The following SDK1 variants were observed in gnomAD, a reference collection of about 807,000 sequenced individuals.
SDK1 encodes the protein protein sidekick-1.
In SDK1, 157 loss-of-function variants were observed where a neutral mutation model predicts 245.5. The observed-to-expected ratio is 0.64, with a 90% CI of 0.56 to 0.73. SDK1 has a LOEUF of 0.73. SDK1 is among the 30% of genes least tolerant of loss of function. The pLI, the probability that SDK1 is intolerant of heterozygous loss-of-function variation, is 0.00. For missense variants in SDK1, 3,583 were observed against 3,002.3 expected (o/e 1.19, Z -4.52); for synonymous variants, 1,647 against 1,278.5 (o/e 1.29, Z -6.15).
At chr7:4,029,228 T>TTTTTTTTTTTTTTTTTTTTTTTTTG (rs746967075) in intron 17 of SDK1, among the ~76,000 whole-genome samples, 2 of 112,088 alleles carry the variant, frequency 1.8e-5, no homozygotes, top group African/African-American at 1.0e-4. Context: ...TTTTTTTTTT[T>TTTTTTTTTTTTTTTTTTTTTTTTTG]TGTGAAGAAG....
intron 4 of SDK1, among the ~76,000 whole-genome samples, chr7:3,649,016 C>T (rs985008063): frequency 2.6e-5 from 4 of 152,206 alleles, no homozygotes; most frequent in African/African-American, 2.4e-5. Context: ...TTCCTTCATG[C>T]ATCCATGGAC....
intron 14 of SDK1, among the ~76,000 whole-genome samples, chr7:3,992,212 G>C (rs981341646): frequency 6.6e-6 from 1 of 152,234 alleles, no homozygotes; most frequent in African/African-American, 2.4e-5. Flanking sequence ...TGCCACTGCA[G>C]AAGGGCCTCT....
chr7:4,074,924 T>A (rs1418905084), intron 20 of SDK1, among the ~76,000 whole-genome samples: 47 of 122,484 alleles, frequency 3.8e-4, no homozygotes, highest in South Asian at 1.4e-3. Context: ...ATATTTTTTT[T>A]TTTTTTTAAT....
At chr7:3,860,484 A>G (rs1780664379) in intron 5 of SDK1, among the ~76,000 whole-genome samples, 1 of 152,216 alleles carries the variant, frequency 6.6e-6, no homozygotes. Context: ...CAAGTTGTCA[A>G]ACATTTAAGA....
intron 2 of SDK1, among the ~76,000 whole-genome samples, chr7:3,624,010 A>G (rs554633441): frequency 1.3e-5 from 2 of 152,206 alleles, no homozygotes; most frequent in East Asian, 3.8e-4. Context: ...AGTATCAATA[A>G]AAATTATGAA....
At chr7:4,178,159 C>G (rs1208950483) in intron 34 of SDK1, among the ~76,000 whole-genome samples, 3 of 152,180 alleles carry the variant, frequency 2.0e-5, no homozygotes, top group African/African-American at 7.2e-5. Context: ...CGACCTGGTT[C>G]CTAACAGGCT....
At chr7:3,974,836 C>T (rs1782786392) in intron 13 of SDK1, 2 of 308,114 alleles carry the variant, frequency 6.5e-6, no homozygotes, top group South Asian at 4.3e-5. Context: ...TCCTGATAGG[C>T]CCTGTTTACC....
chr7:3,633,833 G>T (rs1434311527), intron 2 of SDK1, among the ~76,000 whole-genome samples: 1 of 152,024 alleles, frequency 6.6e-6, no homozygotes, highest in Admixed American at 6.6e-5. Flanking sequence ...TGGAGATTGG[G>T]CAGGAACAGA....
At chr7:4,014,349 G>A (rs1326027418) in intron 16 of SDK1, among the ~76,000 whole-genome samples, 1 of 152,242 alleles carries the variant, frequency 6.6e-6, no homozygotes, top group Non-Finnish European at 1.5e-5. Flanking sequence ...TGCTGGAGAT[G>A]AGGGCATCTT....
At chr7:3,420,336 G>T (rs899049362) in intron 1 of SDK1, among the ~76,000 whole-genome samples, 1 of 152,200 alleles carries the variant, frequency 6.6e-6, no homozygotes, top group Non-Finnish European at 1.5e-5. Flanking sequence ...TTGATGGATT[G>T]CCAGCAGCAG....
At chr7:3,372,916 C>A (rs917359247) in intron 1 of SDK1, among the ~76,000 whole-genome samples, 4 of 152,096 alleles carry the variant, frequency 2.6e-5, no homozygotes, top group Admixed American at 2.6e-4. Flanking sequence ...TTTTAAAATA[C>A]TTTATACAAG....
rs1788427158 is a variant in SDK1, at chr7:4,265,731, A to C, written c.*347A>C. On this transcript the variant is annotated 3_prime_UTR_variant, in exon 45 of 45. Coordinates refer to ENST00000404826, the MANE Select transcript of SDK1 (RefSeq NM_152744.4). ...TCTTCAAGACCAACTAGGAAGGGTC[A>C]AGCGGGGAGAGGGAGTGGAGGGTCA... The C allele has an allele frequency of 9.4e-7, 1 of 1,064,740 alleles. No individual in the cohort carries two copies. The highest frequency in any genetic ancestry group is 1.1e-6 in the Non-Finnish European group (1 of 884,532). 66.0% of individuals were successfully genotyped at this position (1,064,740 alleles called of 1,614,324 possible).
intron 4 of SDK1, among the ~76,000 whole-genome samples, chr7:3,655,487 ATATATATATATATATATG>A (rs1453439098): frequency 0.036 from 2,594 of 71,918 alleles, 115 homozygotes; most frequent in East Asian, 0.059. Context: ...ATATATATAT[ATATATATATATATATATG>A]TATGTATGTA....
intron 1 of SDK1, among the ~76,000 whole-genome samples, chr7:3,439,795 G>A (rs367971317): frequency 6.6e-6 from 1 of 152,208 alleles, no homozygotes; most frequent in East Asian, 1.9e-4. Flanking sequence ...GGAAGATAGT[G>A]AGAATGGCCA....
At chr7:4,086,378 C>T (rs868433140) in intron 22 of SDK1, among the ~76,000 whole-genome samples, 1 of 152,204 alleles carries the variant, frequency 6.6e-6, no homozygotes, top group Non-Finnish European at 1.5e-5. Flanking sequence ...AGAAGTCCAG[C>T]ATGGGTCTCA....
chr7:4,142,559 C>T (rs779669833), intron 28 of SDK1, among the ~76,000 whole-genome samples: 6 of 152,160 alleles, frequency 3.9e-5, no homozygotes, highest in Non-Finnish European at 8.8e-5. Context: ...GAACTCCTGA[C>T]CTTGTGATCC....
intron 4 of SDK1, among the ~76,000 whole-genome samples, chr7:3,664,729 G>C (rs1279231606): frequency 7.4e-6 from 1 of 135,932 alleles, no homozygotes; most frequent in Non-Finnish European, 1.6e-5. Flanking sequence ...AACAGAGCGA[G>C]ACTCTGTCTC....
chr7:3,651,822 T>C (rs1783022682), intron 4 of SDK1, among the ~76,000 whole-genome samples: 1 of 152,132 alleles, frequency 6.6e-6, no homozygotes, highest in Admixed American at 6.5e-5. Context: ...AGAAGATAGC[T>C]GAGAGCAGTA....
Position 4,245,705 on chromosome 7 carries a change from T to C in SDK1, c.6281T>C (p.Leu2094Pro). 1 of 1,614,050 alleles carries C rather than the reference T, an allele frequency of 6.2e-7. No homozygotes were observed. Among genetic ancestry groups the C allele is most frequent in the Non-Finnish European group, 8.5e-7 (1 of 1,179,970 alleles). Residue 2094 changes from leucine (L) to proline (P), a missense_variant, in exon 44 of 45, where the codon CTG (leucine) becomes CCG (proline). Transcript: ENST00000404826. ...RSPPRPSPGG[L>P]HYSDEDICNK... The stretch of plus-strand genomic sequence containing the variant: ...CCACCCCGGCCTAGCCCCGGCGGCC[T>C]GCACTACTCAGACGAGGACATCTGC...
Sources: allele counts gnomAD v4.1 joint callset (sites outside exome capture counted in the v4.1 genomes callset), GRCh38; gene constraint gnomAD v4.1.1; transcripts MANE v1.5; gene names NCBI Gene and HGNC (gene_info 2026-07-23, HGNC 2026-07-21).